Variants in DKK3 observed in about 807,000 individuals in gnomAD.
The protein encoded by DKK3 is dickkopf Wnt signaling pathway inhibitor 3.
Under a neutral mutation model 33.2 loss-of-function variants are expected in DKK3, and 22 were observed. That is an observed-to-expected ratio of 0.66 (90% CI 0.47 to 0.95). The LOEUF is 0.95. Among genes scored for constraint, DKK3 ranks in the 40% least tolerant of loss-of-function variants. DKK3 has a pLI of 0.00. For missense variants in DKK3, 398 were observed against 458.4 expected (o/e 0.87, Z 1.20); for synonymous variants, 194 against 188.8 (o/e 1.03, Z -0.23).
chr11:11,965,857 G>C lies in DKK3; in HGVS notation c.782C>G (p.Ala261Gly), dbSNP rs776232698. ...LITWELEPDG[A>G]LDRCPCASGL... is the part of the protein sequence containing the mutation. Reference sequence around the variant, plus strand: ...ACTGGCACAAGGGCATCGGTCCAAGGCTCCATCAGGCTCTAGCTCCCAGGT... The same window carrying C: ...ACTGGCACAAGGGCATCGGTCCAAGCCTCCATCAGGCTCTAGCTCCCAGGT... Residue 261 changes from alanine (A) to glycine (G), a missense_variant, in exon 6 of 7, where the codon GCC becomes GGC. By Grantham distance (60) the Ala-to-Gly change is moderately conservative. Transcript: ENST00000683431. 25 of 1,614,078 alleles carry C rather than the reference G, an allele frequency of 1.5e-5. No individual in the cohort carries two copies. The Admixed American group carries it at 2.7e-4, about 17-fold the overall frequency.
intron 3 of DKK3, among the ~76,000 whole-genome samples, chr11:11,979,455 C>T (rs1847909976): frequency 6.6e-6 from 1 of 152,232 alleles, no homozygotes; most frequent in South Asian, 2.1e-4. Context: ...ACCAGGTTCT[C>T]AGGAACTGAA....
intron 3 of DKK3, chr11:11,994,612 T>G (rs1309204563): frequency 6.6e-6 from 1 of 152,078 alleles, no homozygotes; most frequent in African/African-American, 2.4e-5. Flanking sequence ...CGATTCCTCA[T>G]CATGTTACCT....
chr11:11,989,895 A>G (rs1848152935), intron 3 of DKK3, among the ~76,000 whole-genome samples: 1 of 152,172 alleles, frequency 6.6e-6, no homozygotes, highest in Non-Finnish European at 1.5e-5. Context: ...CATCTGTAAA[A>G]TGGGGTCAAC....
At chr11:11,985,421 G>A (rs1016333897) in intron 3 of DKK3, among the ~76,000 whole-genome samples, 2 of 152,206 alleles carry the variant, frequency 1.3e-5, no homozygotes, top group East Asian at 1.9e-4. Context: ...TTCCTCATCT[G>A]TAAAATGGGC....
chr11:11,974,710 C>T (rs6485327), intron 3 of DKK3, among the ~76,000 whole-genome samples: 99,114 of 152,018 alleles, frequency 0.65, 32,629 homozygotes, highest in Middle Eastern at 0.87. Context: ...TCCCCCAGCA[C>T]GTGCTTGACT....
intron 3 of DKK3, among the ~76,000 whole-genome samples, chr11:11,995,028 A>G (rs1848262003): frequency 6.6e-6 from 1 of 152,076 alleles, no homozygotes; most frequent in Non-Finnish European, 1.5e-5. Context: ...TCAAATCTCT[A>G]CAAGCTGGGT....
chr11:11,992,711 GT>G (rs1423441531), intron 3 of DKK3, among the ~76,000 whole-genome samples: 1 of 152,078 alleles, frequency 6.6e-6, no homozygotes, highest in East Asian at 1.9e-4. Context: ...AAAATTTACA[GT>G]TCTCAAACAG....
chr11:11,987,178 C>G (rs778674805), intron 3 of DKK3, among the ~76,000 whole-genome samples: 1 of 152,162 alleles, frequency 6.6e-6, no homozygotes, highest in African/African-American at 2.4e-5. Flanking sequence ...CCTTTATGAA[C>G]TTCTAAATTT....
intron 3 of DKK3, among the ~76,000 whole-genome samples, chr11:11,993,220 G>A (rs1848222341): frequency 6.6e-6 from 1 of 152,162 alleles, no homozygotes; most frequent in East Asian, 1.9e-4. Flanking sequence ...TCTATAAAGG[G>A]TCTCTGCAAG....
intron 3 of DKK3, among the ~76,000 whole-genome samples, chr11:11,987,767 C>T (rs891221958): frequency 2.6e-5 from 4 of 152,182 alleles, no homozygotes; most frequent in Non-Finnish European, 5.9e-5. Context: ...ACACAAATAG[C>T]TTTTTCATCT....
chr11:11,986,087 C>G (rs900239159), intron 3 of DKK3, among the ~76,000 whole-genome samples: 1 of 152,164 alleles, frequency 6.6e-6, no homozygotes, highest in African/African-American at 2.4e-5. Flanking sequence ...ATGGAATCTG[C>G]TGGCCTCTGC....
chr11:11,999,912 A>T (rs934709686), intron 2 of DKK3, among the ~76,000 whole-genome samples: 3 of 152,220 alleles, frequency 2.0e-5, no homozygotes, highest in African/African-American at 7.2e-5. Flanking sequence ...TGAGAAGGTA[A>T]GGATCATGCT....
intron 2 of DKK3, among the ~76,000 whole-genome samples, chr11:12,000,610 T>G (rs1372612143): frequency 6.6e-6 from 1 of 152,012 alleles, no homozygotes; most frequent in Non-Finnish European, 1.5e-5. Context: ...GTTCAAGTGA[T>G]TCTCCTACCT....
At chr11:11,996,756 T>G (rs1848303478) in intron 3 of DKK3, among the ~76,000 whole-genome samples, 1 of 152,214 alleles carries the variant, frequency 6.6e-6, no homozygotes, top group African/African-American at 2.4e-5. Context: ...CTCAACCACC[T>G]GCATTCTCAG....
intron 3 of DKK3, among the ~76,000 whole-genome samples, chr11:11,989,721 T>C (rs1322275864): frequency 6.6e-6 from 1 of 152,238 alleles, no homozygotes; most frequent in African/African-American, 2.4e-5. Flanking sequence ...TATTTTATAT[T>C]ATATACATTT....
intron 3 of DKK3, among the ~76,000 whole-genome samples, chr11:11,974,425 C>A (rs1457442642): frequency 6.6e-6 from 1 of 152,160 alleles, no homozygotes; most frequent in Non-Finnish European, 1.5e-5. Flanking sequence ...GTTCTGCAGG[C>A]TGGCAAGTCC....
At position 11,964,380 on chromosome 11, in the gene DKK3, C is replaced by A; in HGVS notation, c.*84G>T. The A allele has an allele frequency of 1.3e-6, 2 of 1,510,080 alleles. No individual in the cohort carries two copies. The highest frequency in any genetic ancestry group is 1.3e-5 in the South Asian group (1 of 78,498). The allele number at this position is 1,510,080 out of a possible 1,614,324, so 93.5% of individuals were successfully genotyped here. A position where few individuals can be genotyped will look rare whatever the true frequency, so the allele number is the denominator to read the frequency against. Reference sequence around the variant, plus strand: ...CTGGGAAGAAGATGTAGGAAGAAGCCTGGTCAGCCCACGCCTAAAGCACAC... The same window carrying A: ...CTGGGAAGAAGATGTAGGAAGAAGCATGGTCAGCCCACGCCTAAAGCACAC... On this transcript the variant is annotated 3_prime_UTR_variant, in exon 7 of 7. Coordinates refer to ENST00000683431, the MANE Select transcript of DKK3 (RefSeq NM_001018057.2).
chr11:11,999,629 AAAACAAAC>A (rs56999763), intron 2 of DKK3, among the ~76,000 whole-genome samples: 13 of 152,028 alleles, frequency 8.6e-5, no homozygotes, highest in Non-Finnish European at 1.5e-4. Flanking sequence ...CTCCATCTCA[AAAACAAAC>A]AAACAAACAA....
intron 3 of DKK3, among the ~76,000 whole-genome samples, chr11:11,970,104 T>C (rs934520383): frequency 3.9e-5 from 6 of 152,198 alleles, no homozygotes; most frequent in Non-Finnish European, 7.3e-5. Context: ...CCCGACGTTC[T>C]TTCCAAAGCA....
Sources: allele counts gnomAD v4.1 joint callset (sites outside exome capture counted in the v4.1 genomes callset), GRCh38; gene constraint gnomAD v4.1.1; transcripts MANE v1.5; gene names NCBI Gene and HGNC (gene_info 2026-07-23, HGNC 2026-07-21).